SERGEF: variants seen among roughly 807,000 people sequenced by gnomAD.
SERGEF encodes secretion-regulating guanine nucleotide exchange factor.
Under a neutral mutation model 50.0 loss-of-function variants are expected in SERGEF, and 51 were observed. The ratio of observed to expected loss-of-function variants is 1.02; its 90% CI spans 0.81 to 1.29. The LOEUF is 1.29. Ranked by LOEUF, SERGEF falls within the 50% of genes most tolerant of loss-of-function variation. The pLI is 0.00. For synonymous variants in SERGEF, 205 were observed against 212.4 expected (o/e 0.97, Z 0.30); for missense variants, 521 against 557.0 (o/e 0.94, Z 0.65).
At chr11:17,864,043 T>C (rs1374481166) in intron 10 of SERGEF, among the ~76,000 whole-genome samples, 1 of 152,214 alleles carries the variant, frequency 6.6e-6, no homozygotes, top group African/African-American at 2.4e-5. Context: ...CAGAGAGTTA[T>C]CACCATAACT....
intron 7 of SERGEF, among the ~76,000 whole-genome samples, chr11:17,992,112 T>C (rs1358035770): frequency 5.3e-5 from 8 of 151,842 alleles, no homozygotes; most frequent in Admixed American, 1.3e-4. Context: ...GTGTTTCAAA[T>C]GGAAGGATGA....
intron 10 of SERGEF, among the ~76,000 whole-genome samples, chr11:17,851,905 C>T (rs79469464): frequency 0.01 from 1,593 of 152,282 alleles, 9 homozygotes; most frequent in Middle Eastern, 0.017. Context: ...CAAGGAAGAA[C>T]CCACATTTTG....
intron 10 of SERGEF, among the ~76,000 whole-genome samples, chr11:17,828,319 G>A (rs531712927): frequency 2.0e-5 from 3 of 152,252 alleles, no homozygotes; most frequent in East Asian, 1.9e-4. Flanking sequence ...CTTGTAAGCC[G>A]GTACGCATTC....
At chr11:17,800,150 AT>A (rs1476382517) in intron 10 of SERGEF, among the ~76,000 whole-genome samples, 1 of 152,284 alleles carries the variant, frequency 6.6e-6, no homozygotes, top group East Asian at 1.9e-4. Flanking sequence ...ATATTAATGA[AT>A]TTTTTTCCTT....
intron 10 of SERGEF, among the ~76,000 whole-genome samples, chr11:17,870,481 G>T (rs186412617): frequency 6.6e-6 from 1 of 152,268 alleles, no homozygotes; most frequent in African/African-American, 2.4e-5. Context: ...GCTAGAAAGG[G>T]CAAGAAAATG....
intron 10 of SERGEF, among the ~76,000 whole-genome samples, chr11:17,859,609 A>C (rs1318482838): frequency 6.6e-6 from 1 of 152,204 alleles, no homozygotes; most frequent in Non-Finnish European, 1.5e-5. Context: ...ACAATGAATA[A>C]AGAAGATACA....
chr11:17,788,633 T>C (rs540441126), intron 10 of SERGEF, among the ~76,000 whole-genome samples: 1 of 152,176 alleles, frequency 6.6e-6, no homozygotes, highest in African/African-American at 2.4e-5. Flanking sequence ...CCCACAAAAC[T>C]CATGACTGCT....
intron 9 of SERGEF, among the ~76,000 whole-genome samples, chr11:17,958,630 C>T (rs1376981747): frequency 6.6e-6 from 1 of 152,116 alleles, no homozygotes; most frequent in East Asian, 1.9e-4. Flanking sequence ...TGATCAGGTT[C>T]CAGCCCATCT....
intron 4 of SERGEF, among the ~76,000 whole-genome samples, chr11:18,001,273 T>C (rs1417459413): frequency 2.6e-5 from 4 of 152,180 alleles, no homozygotes; most frequent in Non-Finnish European, 4.4e-5. Context: ...TACTCCTCCC[T>C]TCAAGATGTG....
At chr11:17,801,206 A>AAG (rs1236087998) in intron 10 of SERGEF, among the ~76,000 whole-genome samples, 1 of 151,606 alleles carries the variant, frequency 6.6e-6, no homozygotes, top group African/African-American at 2.4e-5. Context: ...AAAAAAAAAA[A>AAG]AAGAAAGAAA....
chr11:17,819,459 C>T (rs555082760), intron 10 of SERGEF, among the ~76,000 whole-genome samples: 1 of 152,230 alleles, frequency 6.6e-6, no homozygotes, highest in Non-Finnish European at 1.5e-5. Flanking sequence ...TCCTTCAAAG[C>T]TCAAAAAAAT....
At chr11:17,848,984 C>A (rs1338947287) in intron 10 of SERGEF, among the ~76,000 whole-genome samples, 1 of 152,224 alleles carries the variant, frequency 6.6e-6, no homozygotes, top group Non-Finnish European at 1.5e-5. Flanking sequence ...CCCACTCTAG[C>A]TCTCTTTCTT....
At chr11:17,905,199 C>T (rs1851814861) in intron 9 of SERGEF, among the ~76,000 whole-genome samples, 1 of 152,178 alleles carries the variant, frequency 6.6e-6, no homozygotes, top group African/African-American at 2.4e-5. Context: ...TGCTTTTATT[C>T]CACCCTCTGT....
At chr11:17,977,803 G>T (rs1054117235) in intron 8 of SERGEF, among the ~76,000 whole-genome samples, 4 of 152,122 alleles carry the variant, frequency 2.6e-5, no homozygotes, top group Non-Finnish European at 5.9e-5. Flanking sequence ...ACAGCAAAAA[G>T]GTGAGAGTCT....
At chr11:17,805,402 G>A (rs1024060062) in intron 10 of SERGEF, among the ~76,000 whole-genome samples, 6 of 152,164 alleles carry the variant, frequency 3.9e-5, no homozygotes, top group Admixed American at 3.3e-4. Context: ...AGCCTATCTG[G>A]CTGTGCTGGG....
At chr11:18,004,364 A>G (rs531350668) in intron 4 of SERGEF, 77 bp downstream of exon 4, 2 of 1,071,928 alleles carry the variant, frequency 1.9e-6, no homozygotes, top group Non-Finnish European at 2.8e-6. Context: ...ACAGCCTTTT[A>G]TTCTGGGGAG....
chr11:17,972,488 G>A (rs139451949), intron 8 of SERGEF, among the ~76,000 whole-genome samples: 1 of 152,222 alleles, frequency 6.6e-6, no homozygotes, highest in East Asian at 1.9e-4. Context: ...CAGAAGATTT[G>A]CATTTTTTAG....
At chr11:17,864,816 T>C (rs1850991997) in intron 10 of SERGEF, among the ~76,000 whole-genome samples, 1 of 152,154 alleles carries the variant, frequency 6.6e-6, no homozygotes, top group Admixed American at 6.5e-5. Context: ...CAAGCTAAAC[T>C]TGAGTGCTAG....
chr11:17,988,573 G>A (rs756946717), intron 8 of SERGEF, 24 bp downstream of exon 8: 21 of 1,610,978 alleles, frequency 1.3e-5, no homozygotes, highest in Admixed American at 1.7e-5. Context: ...CTTACCAACC[G>A]TAAGTTCTCT....
Sources: allele counts gnomAD v4.1 joint callset (sites outside exome capture counted in the v4.1 genomes callset), GRCh38; gene constraint gnomAD v4.1.1; transcripts MANE v1.5; gene names NCBI Gene and HGNC (gene_info 2026-07-23, HGNC 2026-07-21).